Variants in ERP44 observed in about 807,000 individuals in gnomAD.
The protein encoded by ERP44 is endoplasmic reticulum protein 44, also known as endoplasmic reticulum resident protein 44.
A neutral mutation model predicts 53.4 loss-of-function variants in ERP44; 25 were observed. That is an observed-to-expected ratio of 0.47 (90% CI 0.34 to 0.65). The LOEUF (loss-of-function observed/expected upper bound fraction) is 0.65, where lower values mean the gene tolerates loss of function less well. ERP44 is among the 30% of genes least tolerant of loss of function. The pLI is 0.01. For synonymous variants in ERP44, 145 were observed against 161.2 expected (o/e 0.90, Z 0.76); for missense variants, 338 against 493.2 (o/e 0.69, Z 2.98).
rs1830153640 is a variant in ERP44, at chr9:99,982,055, T to C, written c.*557A>G. The C allele has an allele frequency of 6.6e-6, 1 of 152,650 alleles. No individual in the cohort carries two copies. The highest frequency in any genetic ancestry group is 1.5e-5 in the Non-Finnish European group (1 of 68,032). 9.5% of individuals were successfully genotyped at this position (152,650 alleles called of 1,614,324 possible). A position where few individuals can be genotyped will look rare whatever the true frequency, so the allele number is the denominator to read the frequency against. ...ACTCTCCTCCACTTCAAAGTATGTT[T>C]AAGTTACACATTAAGAATCCAAAAA... is the stretch of plus-strand genomic sequence containing the variant. On this transcript the variant is annotated 3_prime_UTR_variant, in exon 12 of 12. Coordinates refer to ENST00000262455, the MANE Select transcript of ERP44 (RefSeq NM_015051.3).
chr9:100,048,070 AAACAAACG>A (rs1169571698), intron 4 of ERP44, among the ~76,000 whole-genome samples: 1 of 152,126 alleles, frequency 6.6e-6, no homozygotes, highest in African/African-American at 2.4e-5. Flanking sequence ...TGCTATAAAC[AAACAAACG>A]AACAAAAACA....
chr9:100,069,154 G>A (rs901166744), intron 1 of ERP44, among the ~76,000 whole-genome samples: 30 of 151,864 alleles, frequency 2.0e-4, no homozygotes, highest in East Asian at 3.9e-4. Flanking sequence ...CAAACACTGC[G>A]GAAGGCCGCA....
intron 1 of ERP44, among the ~76,000 whole-genome samples, chr9:100,095,165 A>C (rs2118766641): frequency 1.3e-5 from 2 of 152,242 alleles, no homozygotes; most frequent in East Asian, 3.9e-4. Context: ...AATGAACCTA[A>C]CAATATATAT....
intron 1 of ERP44, among the ~76,000 whole-genome samples, chr9:100,067,425 G>A (rs900151917): frequency 1.3e-5 from 2 of 152,204 alleles, no homozygotes; most frequent in African/African-American, 4.8e-5. Flanking sequence ...GCTCCTAACC[G>A]CGAGTGATCC....
chr9:100,022,199 C>T lies in ERP44; in HGVS notation c.314G>A (p.Ser105Asn), dbSNP rs1830598905. 2 of 1,613,146 alleles carry T rather than the reference C, an allele frequency of 1.2e-6. No individual in the cohort carries two copies. Among genetic ancestry groups the T allele is most frequent in the African/African-American group, 1.3e-5 (1 of 74,864 alleles). The change falls in exon 5 of 12, where the codon AGC becomes AAC. Residue 105 changes from serine (S) to asparagine (N), a missense_variant. Coordinates refer to ENST00000262455, the MANE Select transcript of ERP44 (RefSeq NM_015051.3). ...HSDIAQRYRISKYPTLKLFRN... is the reference protein window; with the variant it reads ...HSDIAQRYRINKYPTLKLFRN... Reference sequence around the variant, plus strand: ...AAACAATTTGAGGGTTGGGTATTTGCTTATCCTGTATCTCTGGGCTATGTC... The same window carrying T: ...AAACAATTTGAGGGTTGGGTATTTGTTTATCCTGTATCTCTGGGCTATGTC...
chr9:100,016,784 C>G (rs1436020355), intron 7 of ERP44, among the ~76,000 whole-genome samples: 1 of 152,186 alleles, frequency 6.6e-6, no homozygotes, highest in South Asian at 2.1e-4. Context: ...AAACATAGAT[C>G]ATGGAACTTC....
Position 100,018,298 on chromosome 9 carries a change from C to T in ERP44, c.603G>A (p.Pro201=), listed in dbSNP as rs147931197. ...FLSAFGDVSK[P]ERYSGDNIIY... is the part of the protein sequence containing the mutation. Reference sequence around the variant, plus strand: ...TTATGTTGTCGCCACTATATCTTTCCGGTTTTGAAACATCCCTATAGGAAG... The same window carrying T: ...TTATGTTGTCGCCACTATATCTTTCTGGTTTTGAAACATCCCTATAGGAAG... The change falls in exon 7 of 12, where the codon CCG becomes CCA. Residue 201 remains proline (P), a synonymous_variant. Transcript: ENST00000262455. The T allele has an allele frequency of 9.0e-5, 145 of 1,605,602 alleles. No homozygotes were observed. In the African/African-American group the frequency reaches 1.6e-3, roughly 18 times the overall value.
At chr9:100,034,712 T>G (rs1825830649) in intron 4 of ERP44, among the ~76,000 whole-genome samples, 1 of 152,130 alleles carries the variant, frequency 6.6e-6, no homozygotes, top group African/African-American at 2.4e-5. Context: ...TTCCACAGAA[T>G]TAGAAAAAAC....
In ERP44 at chr9:100,012,975, C is replaced by T. The variant is rs181415814; in HGVS notation, c.762+3347G>A. On this transcript the variant is annotated intron_variant, in intron 8 of 11. Coordinates refer to ENST00000262455, the MANE Select transcript of ERP44 (RefSeq NM_015051.3). ...TCTAAGTGTTGGAAATGGCAATGGA[C>T]GCAGATCAAAAATACCCCAAGAATG... Among the ~76,000 whole-genome samples the T allele has an allele frequency of 2.8e-4, 42 of 152,168 alleles. No homozygotes were observed. In the South Asian group the frequency reaches 3.7e-3, roughly 14 times the overall value.
At chr9:99,989,535 G>A (rs910427471) in intron 10 of ERP44, among the ~76,000 whole-genome samples, 1 of 152,202 alleles carries the variant, frequency 6.6e-6, no homozygotes, top group Non-Finnish European at 1.5e-5. Context: ...AACCCCATCT[G>A]TAGGTCACCA....
intron 7 of ERP44, among the ~76,000 whole-genome samples, chr9:100,017,020 A>G (rs1830531890): frequency 6.6e-6 from 1 of 152,212 alleles, no homozygotes; most frequent in Admixed American, 6.5e-5. Context: ...TTCTTCTTTT[A>G]GAAGAAAATG....
chr9:99,989,591 C>A (rs1830232335), intron 10 of ERP44, among the ~76,000 whole-genome samples: 1 of 152,122 alleles, frequency 6.6e-6, no homozygotes, highest in South Asian at 2.1e-4. Context: ...TGGGGAGAAA[C>A]CAGAGCAGAA....
intron 4 of ERP44, among the ~76,000 whole-genome samples, chr9:100,044,342 T>C (rs1374811095): frequency 5.3e-5 from 8 of 152,192 alleles, no homozygotes; most frequent in Admixed American, 4.6e-4. Flanking sequence ...ATCATTATTA[T>C]TGTCATTATT....
At chr9:100,028,313 G>C (rs1041135733) in intron 4 of ERP44, among the ~76,000 whole-genome samples, 1 of 152,224 alleles carries the variant, frequency 6.6e-6, no homozygotes, top group African/African-American at 2.4e-5. Context: ...GGTCAGCAGA[G>C]AACCTGGTCC....
At chr9:100,048,174 G>T (rs1490120500) in intron 4 of ERP44, among the ~76,000 whole-genome samples, 1 of 152,026 alleles carries the variant, frequency 6.6e-6, no homozygotes, top group Non-Finnish European at 1.5e-5. Flanking sequence ...CCAGGAGTTG[G>T]GTGGGTGGAG....
intron 1 of ERP44, among the ~76,000 whole-genome samples, chr9:100,091,934 T>A (rs1334214117): frequency 3.3e-5 from 5 of 152,232 alleles, no homozygotes; most frequent in Non-Finnish European, 7.3e-5. Context: ...ACCTTTGGCA[T>A]CCATTACTTT....
At chr9:99,999,863 G>C (rs1421509338) in intron 10 of ERP44, among the ~76,000 whole-genome samples, 1 of 152,114 alleles carries the variant, frequency 6.6e-6, no homozygotes, top group Non-Finnish European at 1.5e-5. Flanking sequence ...TACGGGGCGA[G>C]ATGAGGGTCT....
At chr9:99,987,498 G>C (rs536137744) in intron 10 of ERP44, among the ~76,000 whole-genome samples, 1 of 152,310 alleles carries the variant, frequency 6.6e-6, no homozygotes, top group African/African-American at 2.4e-5. Flanking sequence ...CAAATGTTAA[G>C]TGTATGAACA....
chr9:100,022,185 G>C lies in ERP44; in HGVS notation c.328C>G (p.Leu110Val). 1 of 1,613,558 alleles carries C rather than the reference G, an allele frequency of 6.2e-7. No individual in the cohort carries two copies. Among genetic ancestry groups the C allele is most frequent in the Non-Finnish European group, 8.5e-7 (1 of 1,179,754 alleles). Residue 110 changes from leucine to valine, a missense_variant, in exon 5 of 12, where the codon CTC (leucine) becomes GTC (valine). This residue lies in a region of ERP44 where 224 missense variants were observed against 301.4 expected (regional missense o/e 0.74). Coordinates refer to ENST00000262455, the MANE Select transcript of ERP44 (RefSeq NM_015051.3). ...QRYRISKYPT[L>V]KLFRNGMMMK... ...ATCATCCCATTACGAAACAATTTGA[G>C]GGTTGGGTATTTGCTTATCCTGTAT...
Sources: gnomAD v4.1 joint callset for allele counts (sites outside exome capture counted in the v4.1 genomes callset) on GRCh38, gnomAD v4.1.1 for gene constraint, gnomAD v4.1.1 regional missense constraint, MANE v1.5 for transcripts, NCBI Gene and HGNC (gene_info 2026-07-23, HGNC 2026-07-21) for gene names.